Variants in PPP2CB observed in about 807,000 individuals in gnomAD.
The protein encoded by PPP2CB is serine/threonine-protein phosphatase 2A catalytic subunit beta isoform.
In PPP2CB, 18 loss-of-function variants were observed where a neutral mutation model predicts 39.1. The observed-to-expected ratio is 0.46, with a 90% CI of 0.32 to 0.68. The LOEUF (loss-of-function observed/expected upper bound fraction) is 0.68, where lower values mean the gene tolerates loss of function less well. Among genes scored for constraint, PPP2CB ranks in the 30% least tolerant of loss-of-function variants. The probability of loss-of-function intolerance (pLI) is 0.04; values close to 1 mark genes in which losing one functional copy is unlikely to be tolerated. For synonymous variants in PPP2CB, 129 were observed against 133.8 expected (o/e 0.96, Z 0.25); for missense variants, 226 against 396.9 (o/e 0.57, Z 3.66).
intron 3 of PPP2CB, among the ~76,000 whole-genome samples, chr8:30,797,122 C>A (rs185770415): frequency 6.1e-4 from 93 of 152,272 alleles, no homozygotes; most frequent in African/African-American, 2.1e-3. Context: ...GTACTAGCCA[C>A]TGTGCCCAGC....
intron 5 of PPP2CB, 124 bp from the exon 6 acceptor site, chr8:30,791,439 CTA>C: frequency 1.5e-6 from 1 of 689,428 alleles, no homozygotes. Flanking sequence ...GTCTATATTA[CTA>C]TATAAGGTCT....
intron 1 of PPP2CB, among the ~76,000 whole-genome samples, chr8:30,807,973 C>T (rs1161357974): frequency 6.6e-6 from 1 of 152,210 alleles, no homozygotes; most frequent in Admixed American, 6.5e-5. Context: ...GCCAGACACA[C>T]CATACCATTC....
At chr8:30,806,484 T>C (rs908887956) in intron 1 of PPP2CB, among the ~76,000 whole-genome samples, 1 of 152,202 alleles carries the variant, frequency 6.6e-6, no homozygotes, top group Admixed American at 6.5e-5. Flanking sequence ...TAGGTTTACA[T>C]TTCATTACAT....
At chr8:30,796,193 C>T (rs529685506) in intron 3 of PPP2CB, among the ~76,000 whole-genome samples, 2 of 152,172 alleles carry the variant, frequency 1.3e-5, no homozygotes, top group South Asian at 2.1e-4. Context: ...GGCAAAGTAT[C>T]GTCCTTTCAA....
In PPP2CB at chr8:30,799,713, G is replaced by C; in HGVS notation, c.145C>G (p.Arg49Gly). 1 of 1,614,026 alleles carries C rather than the reference G, an allele frequency of 6.2e-7. No individual in the cohort carries two copies. The highest frequency in any genetic ancestry group is 8.5e-7 in the Non-Finnish European group (1 of 1,179,942). The change falls in exon 2 of 7, where the codon CGT (arginine) becomes GGT (glycine). Residue 49 changes from arginine to glycine, a missense_variant. Transcript: ENST00000221138. ...LTKESNVQEVRCPVTVCGDVH... is the reference protein window; with the variant it reads ...LTKESNVQEVGCPVTVCGDVH... ...TCTCCACAGACAGTAACAGGGCAAC[G>C]AACCTCTTGCACATTTGATTCTTTT...
intron 5 of PPP2CB, among the ~76,000 whole-genome samples, chr8:30,792,039 T>G (rs562278462): frequency 6.6e-6 from 1 of 151,542 alleles, no homozygotes; most frequent in Non-Finnish European, 1.5e-5. Flanking sequence ...TATACATATA[T>G]ATACATACAT....
intron 5 of PPP2CB, among the ~76,000 whole-genome samples, chr8:30,792,013 C>G (rs985871976): frequency 6.7e-6 from 1 of 148,602 alleles, no homozygotes; most frequent in Non-Finnish European, 1.5e-5. Flanking sequence ...TACACACATA[C>G]ATGTGTGTAT....
chr8:30,799,653 A>G lies in PPP2CB; in HGVS notation c.205T>C (p.Phe69Leu). 1 of 1,614,056 alleles carries G rather than the reference A, an allele frequency of 6.2e-7. No homozygotes were observed. The change falls in exon 2 of 7, where the codon TTT (phenylalanine) becomes CTT (leucine). Residue 69 changes from phenylalanine (F) to leucine (L), a missense_variant. Around this residue, in one of 4 missense-constraint regions of PPP2CB, gnomAD observed 110 missense variants for 244.1 expected, o/e 0.45. Coordinates refer to ENST00000221138, the MANE Select transcript of PPP2CB (RefSeq NM_001009552.2). ...HGQFHDLMELFRIGGKSPDTN... is the reference protein window; with the variant it reads ...HGQFHDLMELLRIGGKSPDTN... ...TCCGGTGATTTTCCACCAATTCTAAAGAGTTCCATAAGATCATGAAATTGA... is the reference window on the plus strand; with the variant it reads ...TCCGGTGATTTTCCACCAATTCTAAGGAGTTCCATAAGATCATGAAATTGA...
At chr8:30,786,788 T>C (rs1481777971) in intron 6 of PPP2CB, among the ~76,000 whole-genome samples, 1 of 151,344 alleles carries the variant, frequency 6.6e-6, no homozygotes, top group African/African-American at 2.4e-5. Flanking sequence ...CTCAGCCTCC[T>C]GAGTAGCTGG....
chr8:30,791,243 T>C lies in PPP2CB; in HGVS notation c.811A>G (p.Asn271Asp). The stretch of plus-strand genomic sequence containing the variant: ...TCTAATTCCATGATAGCAGCCTGGT[T>C]CCCACAACGATAACAGTAATTGGGT... ...SAPNYCYRCG[N>D]QAAIMELDDT... The change falls in exon 6 of 7, where the codon AAC (asparagine) becomes GAC (aspartate). Residue 271 changes from asparagine to aspartate, a missense_variant. By Grantham distance (23) the Asn-to-Asp change is conservative (BLOSUM62 1). Coordinates refer to ENST00000221138, the MANE Select transcript of PPP2CB (RefSeq NM_001009552.2). The C allele has an allele frequency of 6.2e-7, 1 of 1,612,694 alleles. No individual in the cohort carries two copies. The highest frequency in any genetic ancestry group is 8.5e-7 in the Non-Finnish European group (1 of 1,179,666).
At chr8:30,792,265 G>C (rs1806451180) in intron 5 of PPP2CB, among the ~76,000 whole-genome samples, 1 of 152,068 alleles carries the variant, frequency 6.6e-6, no homozygotes, top group African/African-American at 2.4e-5. Context: ...ATGTTGCCCA[G>C]GCTGGTCTCG....
intron 5 of PPP2CB, 132 bp from the exon 6 acceptor site, chr8:30,791,447 G>C: frequency 4.5e-6 from 3 of 663,780 alleles, no homozygotes; most frequent in South Asian, 1.9e-5. Context: ...TACTATATAA[G>C]GTCTCCATCT....
Position 30,786,186 on chromosome 8 carries a change from A to T in PPP2CB, c.*49T>A, listed in dbSNP as rs1218732484. The T allele has an allele frequency of 7.1e-7, 1 of 1,404,158 alleles. No individual in the cohort carries two copies. The highest frequency in any genetic ancestry group is 9.7e-7 in the Non-Finnish European group (1 of 1,034,614). 87.0% of individuals were successfully genotyped at this position (1,404,158 alleles called of 1,614,324 possible). On this transcript the variant is annotated 3_prime_UTR_variant, in exon 7 of 7. Transcript: ENST00000221138. Reference sequence around the variant, plus strand: ...TTTGTTTTTAAATACATATATTTTAAAAAGCCAGGTATACTTCCACATACA... The same window carrying T: ...TTTGTTTTTAAATACATATATTTTATAAAGCCAGGTATACTTCCACATACA...
chr8:30,792,034 A>C (rs1043303634), intron 5 of PPP2CB, among the ~76,000 whole-genome samples: 1 of 151,586 alleles, frequency 6.6e-6, no homozygotes, highest in Non-Finnish European at 1.5e-5. Context: ...ATATGTATAC[A>C]TATATATACA....
chr8:30,812,556 G>A lies in PPP2CB; in HGVS notation c.-135C>T, dbSNP rs545237628. 3.9e-4 allele frequency: 196 copies of A among 507,410 alleles called. No homozygotes were observed. The highest frequency in any genetic ancestry group is 3.1e-3 in the African/African-American group (153 of 48,760). The allele number at this position is 507,410 out of a possible 1,614,324, so 31.4% of individuals were successfully genotyped here. On this transcript the variant is annotated 5_prime_UTR_variant, in exon 1 of 7. Coordinates refer to ENST00000221138, the MANE Select transcript of PPP2CB (RefSeq NM_001009552.2). ...CCGTCGCCAGGTCCCACAGGGGGAGGACTGAGCCGGGTAGGGCGGCCGCGG... is the reference window on the plus strand; with the variant it reads ...CCGTCGCCAGGTCCCACAGGGGGAGAACTGAGCCGGGTAGGGCGGCCGCGG...
At chr8:30,806,044 T>C (rs1806718786) in intron 1 of PPP2CB, among the ~76,000 whole-genome samples, 1 of 150,570 alleles carries the variant, frequency 6.6e-6, no homozygotes, top group Non-Finnish European at 1.5e-5. Context: ...AGGGTTAATA[T>C]GATTTTTTTT....
At chr8:30,793,738 G>T in intron 5 of PPP2CB, 179 bp downstream of exon 5, 1 of 559,388 alleles carries the variant, frequency 1.8e-6, no homozygotes, top group Non-Finnish European at 2.9e-6. Flanking sequence ...TTTCAAAAAT[G>T]AGTTATAATT....
Position 30,791,110 on chromosome 8 carries a change from C to T in PPP2CB, c.857+87G>A, listed in dbSNP as rs1274267702. On this transcript the variant is annotated intron_variant, in intron 6 of 6. Transcript: ENST00000221138. ...AGAGGGGCTTTGCTATACTCCTCAT[C>T]CAATTTCAGAAACAGAAATCTTCTA... 3 of 862,820 alleles carry T rather than the reference C, an allele frequency of 3.5e-6. No individual in the cohort carries two copies. In the East Asian group the frequency reaches 8.4e-5, roughly 24 times the overall value. 53.4% of individuals were successfully genotyped at this position (862,820 alleles called of 1,614,324 possible).
At chr8:30,796,165 T>G (rs1486536541) in intron 3 of PPP2CB, among the ~76,000 whole-genome samples, 66 of 152,178 alleles carry the variant, frequency 4.3e-4, no homozygotes, top group Admixed American at 4.3e-3. Context: ...AAATTCACAT[T>G]TTCTTTTAAC....
Sources: allele counts gnomAD v4.1 joint callset (sites outside exome capture counted in the v4.1 genomes callset), GRCh38; gene constraint gnomAD v4.1.1; regional missense constraint gnomAD v4.1.1; transcripts MANE v1.5; gene names NCBI Gene and HGNC (gene_info 2026-07-23, HGNC 2026-07-21).